LTBP1: variants seen among roughly 807,000 people sequenced by gnomAD.
The protein encoded by LTBP1 is latent transforming growth factor beta binding protein 1, also known as latent-transforming growth factor beta-binding protein 1.
A neutral mutation model predicts 207.6 loss-of-function variants in LTBP1; 129 were observed. The observed-to-expected ratio is 0.62, with a 90% CI of 0.54 to 0.72. The LOEUF (loss-of-function observed/expected upper bound fraction) is 0.72. LTBP1 is among the 30% of genes least tolerant of loss of function. The probability of loss-of-function intolerance (pLI) is 0.00; values close to 1 mark genes in which losing one functional copy is unlikely to be tolerated. For synonymous variants in LTBP1, 963 were observed against 833.7 expected (o/e 1.16, Z -2.67); for missense variants, 2,281 against 2,217.2 (o/e 1.03, Z -0.58).
At chr2:33,163,710 A>C (rs968143873) in intron 5 of LTBP1, among the ~76,000 whole-genome samples, 1 of 152,222 alleles carries the variant, frequency 6.6e-6, no homozygotes, top group Admixed American at 6.5e-5. Flanking sequence ...TAAATAAAAG[A>C]AGCAGCACCT....
At chr2:32,955,158 C>G (rs1677874514) in intron 2 of LTBP1, among the ~76,000 whole-genome samples, 1 of 152,170 alleles carries the variant, frequency 6.6e-6, no homozygotes, top group Non-Finnish European at 1.5e-5. Context: ...GGAACTCAGT[C>G]CTGGGCAATA....
intron 8 of LTBP1, 147 bp downstream of exon 8, chr2:33,217,801 A>T: frequency 1.8e-6 from 1 of 569,434 alleles, no homozygotes. Context: ...CATTTCCAGA[A>T]AATTTGCAAG....
At chr2:33,287,283 A>G (rs1203681289) in intron 19 of LTBP1, among the ~76,000 whole-genome samples, 1 of 152,218 alleles carries the variant, frequency 6.6e-6, no homozygotes, top group Non-Finnish European at 1.5e-5. Context: ...AAACAAGTGA[A>G]TGGGCTAACT....
chr2:33,054,679 G>C (rs1324005801), intron 3 of LTBP1, among the ~76,000 whole-genome samples: 2 of 152,174 alleles, frequency 1.3e-5, no homozygotes, highest in African/African-American at 4.8e-5. Context: ...AACGGACCTT[G>C]AGGACAGTCG....
At chr2:33,131,090 A>T (rs1572773562) in intron 4 of LTBP1, among the ~76,000 whole-genome samples, 1 of 151,234 alleles carries the variant, frequency 6.6e-6, no homozygotes, top group Admixed American at 6.6e-5. Context: ...GACCAAAATG[A>T]CCTCCAGCAT....
chr2:33,162,552 C>G (rs1007142104), intron 5 of LTBP1, among the ~76,000 whole-genome samples: 2 of 152,136 alleles, frequency 1.3e-5, no homozygotes, highest in African/African-American at 4.8e-5. Flanking sequence ...TTACACATAT[C>G]CTTGACGAGT....
intron 24 of LTBP1, 53 bp from the exon 25 acceptor site, chr2:33,342,785 T>C: frequency 6.3e-7 from 1 of 1,592,280 alleles, no homozygotes; most frequent in Non-Finnish European, 8.6e-7. Context: ...TAATATCTGG[T>C]GTTTGTCAGC....
intron 5 of LTBP1, among the ~76,000 whole-genome samples, chr2:33,174,241 G>T (rs371718668): frequency 0.035 from 5,114 of 147,118 alleles, 126 homozygotes; most frequent in Middle Eastern, 0.14. Context: ...TGACATGATT[G>T]TATATCTAGA....
intron 24 of LTBP1, chr2:33,332,937 T>C (rs532977137): frequency 6.6e-6 from 1 of 152,256 alleles, no homozygotes; most frequent in South Asian, 2.1e-4. Context: ...TCTCATCTGA[T>C]CTTGAAAGCT....
At chr2:32,991,705 A>G (rs572106188) in intron 2 of LTBP1, among the ~76,000 whole-genome samples, 1 of 152,240 alleles carries the variant, frequency 6.6e-6, no homozygotes, top group Admixed American at 6.5e-5. Context: ...ATGGCTTTAG[A>G]ATTCTGTTTG....
At chr2:33,086,075 T>G (rs912418367) in intron 3 of LTBP1, among the ~76,000 whole-genome samples, 1 of 152,234 alleles carries the variant, frequency 6.6e-6, no homozygotes, top group Non-Finnish European at 1.5e-5. Context: ...TGTTAGCTCT[T>G]ACTACATGTC....
intron 3 of LTBP1, among the ~76,000 whole-genome samples, chr2:33,061,009 C>T (rs2149626251): frequency 6.6e-6 from 1 of 152,108 alleles, no homozygotes; most frequent in Middle Eastern, 3.4e-3. Flanking sequence ...GATGTTTTGC[C>T]TGGTACTGAA....
At chr2:33,020,814 A>G (rs2075130220) in intron 2 of LTBP1, 95 bp from the exon 3 acceptor site, 2 of 1,254,654 alleles carry the variant, frequency 1.6e-6, no homozygotes, top group Non-Finnish European at 2.2e-6. Flanking sequence ...TTTATTGGAG[A>G]ACAAACAACC....
At position 33,252,752 on chromosome 2, in the gene LTBP1, C is replaced by A. The variant is rs919049377; in HGVS notation, c.2075C>A (p.Pro692His). 1.9e-6 allele frequency: 3 copies of A among 1,613,926 alleles called. No individual in the cohort carries two copies. In the African/African-American group the frequency reaches 4.0e-5, roughly 22 times the overall value. ...LVSSGRQCMHPLSVHLTKQLC... is the reference protein window; with the variant it reads ...LVSSGRQCMHHLSVHLTKQLC... ...AGTTCTGGAAGACAGTGTATGCACC[C>A]TCTGTCTGTTCACCTCACCAAGCAG... Residue 692 changes from proline to histidine, a missense_variant, in exon 11 of 34, where the codon CCT becomes CAT. Coordinates refer to ENST00000404816, the MANE Select transcript of LTBP1 (RefSeq NM_206943.4).
intron 9 of LTBP1, among the ~76,000 whole-genome samples, chr2:33,230,022 T>G (rs2091698317): frequency 6.6e-6 from 1 of 152,238 alleles, no homozygotes; most frequent in African/African-American, 2.4e-5. Flanking sequence ...TTTGTGATAT[T>G]GATGGTCAGT....
At chr2:33,390,765 G>A (rs2095308406) in intron 32 of LTBP1, among the ~76,000 whole-genome samples, 1 of 152,076 alleles carries the variant, frequency 6.6e-6, no homozygotes, top group African/African-American at 2.4e-5. Flanking sequence ...GTGCTTATAG[G>A]TGTGAGCCAC....
At chr2:33,117,055 G>C (rs1450637116) in intron 4 of LTBP1, among the ~76,000 whole-genome samples, 1 of 152,166 alleles carries the variant, frequency 6.6e-6, no homozygotes, top group East Asian at 1.9e-4. Flanking sequence ...ATCACGGGCT[G>C]ACTGAAATCT....
At chr2:32,951,726 T>C (rs914908885) in intron 2 of LTBP1, among the ~76,000 whole-genome samples, 1 of 152,194 alleles carries the variant, frequency 6.6e-6, no homozygotes, top group East Asian at 1.9e-4. Flanking sequence ...AAAATGGGTA[T>C]GAAAGCCTTG....
At chr2:32,957,815 C>G (rs1027271684) in intron 2 of LTBP1, among the ~76,000 whole-genome samples, 2 of 152,160 alleles carry the variant, frequency 1.3e-5, no homozygotes, top group Non-Finnish European at 2.9e-5. Flanking sequence ...TGAGGTCTGC[C>G]TGTACATGCA....
Sources: gnomAD v4.1 joint callset for allele counts (sites outside exome capture counted in the v4.1 genomes callset) on GRCh38, gnomAD v4.1.1 for gene constraint, MANE v1.5 for transcripts, NCBI Gene and HGNC (gene_info 2026-07-23, HGNC 2026-07-21) for gene names.